SMG6: variants seen among roughly 807,000 people sequenced by gnomAD.
SMG6 encodes SMG6 nonsense mediated mRNA decay factor.
SMG6 carries 66 observed loss-of-function variants against 142.2 expected under a neutral mutation model. The ratio of observed to expected loss-of-function variants is 0.46; its 90% CI spans 0.38 to 0.57. The LOEUF (loss-of-function observed/expected upper bound fraction) is 0.57. Among genes scored for constraint, SMG6 ranks in the 20% least tolerant of loss-of-function variants. SMG6 has a pLI of 0.00. For synonymous variants in SMG6, 779 were observed against 702.4 expected (o/e 1.11, Z -1.72); for missense variants, 1,793 against 1,832.0 (o/e 0.98, Z 0.39).
intron 8 of SMG6, among the ~76,000 whole-genome samples, chr17:2,268,667 T>G (rs1283696855): frequency 6.6e-6 from 1 of 152,178 alleles, no homozygotes; most frequent in Non-Finnish European, 1.5e-5. Flanking sequence ...ATCCCAGCAC[T>G]TCGGGAGGCC....
Sources: allele counts gnomAD v4.1 joint callset (sites outside exome capture counted in the v4.1 genomes callset), GRCh38; gene constraint gnomAD v4.1.1; transcripts MANE v1.5; gene names NCBI Gene and HGNC (gene_info 2026-07-23, HGNC 2026-07-21).